CLNK: variants seen among roughly 807,000 people sequenced by gnomAD.
CLNK encodes cytokine-dependent hematopoietic cell linker.
CLNK carries 74 observed loss-of-function variants against 68.6 expected under a neutral mutation model. That is an observed-to-expected ratio of 1.08 (90% CI 0.89 to 1.31). CLNK has a LOEUF of 1.31. Ranked by LOEUF, CLNK falls within the 50% of genes most tolerant of loss-of-function variation. The pLI is 0.00. For missense variants in CLNK, 553 were observed against 515.3 expected (o/e 1.07, Z -0.71); for synonymous variants, 198 against 172.2 (o/e 1.15, Z -1.17).
chr4:10,526,054 G>A (rs1418350728), intron 13 of CLNK, 132 bp from the exon 14 acceptor site: 19 of 605,094 alleles, frequency 3.1e-5, no homozygotes, highest in East Asian at 8.5e-5. Context: ...CTTGATGGTC[G>A]GTGGAAACTA....
rs185008105 is a variant in CLNK at position 10,560,838 on chromosome 4, T to C, written c.400-2386A>G. Among the ~76,000 whole-genome samples the C allele has an allele frequency of 5.9e-5, 9 of 152,208 alleles. No individual in the cohort carries two copies. The East Asian group carries it at 1.5e-3, about 26-fold the overall frequency. On this transcript the variant is annotated intron_variant, in intron 7 of 18. Transcript: ENST00000226951. ...AATGAGATTGTCATAAAAAAGATAA[T>C]CTGCTTGCCATAAATACTTGATTTT...
At chr4:10,528,142 G>C (rs73809629) in intron 12 of CLNK, 48 bp from the exon 13 acceptor site, 29,918 of 967,354 alleles carry the variant, frequency 0.031, 1,289 homozygotes, top group African/African-American at 0.16. Flanking sequence ...TGATGACAGA[G>C]AATTTAATAT....
At chr4:10,691,215 G>T in the CLNK span, among the ~76,000 whole-genome samples, 1 of 151,990 alleles carries the variant, frequency 6.6e-6, no homozygotes, top group Non-Finnish European at 1.5e-5. Flanking sequence ...ATGTATTGGG[G>T]TATACATAAT....
At chr4:10,527,209 T>C (rs922084807) in intron 13 of CLNK, among the ~76,000 whole-genome samples, 2 of 152,190 alleles carry the variant, frequency 1.3e-5, no homozygotes, top group Non-Finnish European at 2.9e-5. Context: ...ACATTTTAGT[T>C]AGGAGGTTGA....
At chr4:10,582,124 G>T (rs1044140799) in intron 4 of CLNK, among the ~76,000 whole-genome samples, 3 of 152,086 alleles carry the variant, frequency 2.0e-5, no homozygotes, top group African/African-American at 2.4e-5. Flanking sequence ...TGAAATCCTG[G>T]CTTGTCCCAG....
At chr4:10,613,245 G>T (rs1211355149) in intron 2 of CLNK, among the ~76,000 whole-genome samples, 5 of 152,156 alleles carry the variant, frequency 3.3e-5, no homozygotes, top group Non-Finnish European at 7.3e-5. Flanking sequence ...GAATCAGAGT[G>T]CTGGGTGGGG....
chr4:10,727,966 G>C, the CLNK span, among the ~76,000 whole-genome samples: 1 of 152,118 alleles, frequency 6.6e-6, no homozygotes, highest in Non-Finnish European at 1.5e-5. Context: ...CTGTGCTCAA[G>C]GTTGAGAACC....
At chr4:10,632,224 C>T (rs1722920583) in intron 2 of CLNK, among the ~76,000 whole-genome samples, 1 of 152,240 alleles carries the variant, frequency 6.6e-6, no homozygotes. Flanking sequence ...CATCTCATGC[C>T]TCTGGACCAG....
intron 11 of CLNK, among the ~76,000 whole-genome samples, chr4:10,536,534 G>A (rs1718767621): frequency 6.6e-6 from 1 of 152,140 alleles, no homozygotes. Flanking sequence ...ATAGTCAAAT[G>A]TCAACCCTGT....
At chr4:10,491,583 G>A (rs558995381) in intron 18 of CLNK, among the ~76,000 whole-genome samples, 14 of 152,220 alleles carry the variant, frequency 9.2e-5, no homozygotes, top group African/African-American at 2.4e-4. Flanking sequence ...ACAATTTAAC[G>A]GAAAGTAAGA....
At chr4:10,686,152 T>C (rs1242435919), upstream of CLNK, among the ~76,000 whole-genome samples, 2 of 152,158 alleles carry the variant, frequency 1.3e-5, no homozygotes, top group East Asian at 3.9e-4. Flanking sequence ...CCCCGGCTTG[T>C]GGGTGTCTTT....
intron 4 of CLNK, 115 bp downstream of exon 4, chr4:10,584,812 C>A: frequency 9.1e-7 from 1 of 1,095,040 alleles, no homozygotes; most frequent in South Asian, 1.4e-5. Context: ...TAGCTAATGT[C>A]ATTTCAAATA....
chr4:10,718,934 T>A, the CLNK span, among the ~76,000 whole-genome samples: 1 of 152,170 alleles, frequency 6.6e-6, no homozygotes. Context: ...CATATTTTAT[T>A]TGAACTGGTA....
chr4:10,526,410 G>A (rs1287550331), intron 13 of CLNK, among the ~76,000 whole-genome samples: 2 of 152,100 alleles, frequency 1.3e-5, no homozygotes, highest in East Asian at 1.9e-4. Flanking sequence ...CAAGTAAGTC[G>A]ATAAGAACAT....
At chr4:10,585,418 G>C (rs1018805521) in intron 3 of CLNK, among the ~76,000 whole-genome samples, 4 of 152,236 alleles carry the variant, frequency 2.6e-5, no homozygotes, top group Admixed American at 6.5e-5. Context: ...GTAGCCAACT[G>C]TTCGAACTGT....
chr4:10,638,986 A>G (rs911952151), intron 2 of CLNK, among the ~76,000 whole-genome samples: 6 of 152,220 alleles, frequency 3.9e-5, no homozygotes, highest in African/African-American at 1.4e-4. Context: ...CTCCAAATGC[A>G]GTCACATTCT....
chr4:10,548,034 C>T (rs1397966090), intron 8 of CLNK, among the ~76,000 whole-genome samples: 2 of 152,092 alleles, frequency 1.3e-5, no homozygotes, highest in Non-Finnish European at 2.9e-5. Context: ...TAAGGTATGT[C>T]TATTTTTAAT....
chr4:10,521,376 A>G (rs1425243875), intron 14 of CLNK, among the ~76,000 whole-genome samples: 1 of 152,268 alleles, frequency 6.6e-6, no homozygotes, highest in African/African-American at 2.4e-5. Flanking sequence ...AAATACAAAA[A>G]TGATATTATC....
At chr4:10,556,331 T>A (rs974961179) in intron 8 of CLNK, among the ~76,000 whole-genome samples, 2 of 152,234 alleles carry the variant, frequency 1.3e-5, no homozygotes, top group Non-Finnish European at 2.9e-5. Flanking sequence ...TAGTGATGTG[T>A]GCCTAAGGAT....
Sources: gnomAD v4.1 joint callset for allele counts (sites outside exome capture counted in the v4.1 genomes callset) on GRCh38, gnomAD v4.1.1 for gene constraint, MANE v1.5 for transcripts, NCBI Gene and HGNC (gene_info 2026-07-23, HGNC 2026-07-21) for gene names.